TSGA13: variants seen among roughly 807,000 people sequenced by gnomAD.
TSGA13 encodes the protein testis-specific gene 13 protein.
A neutral mutation model predicts 35.1 loss-of-function variants in TSGA13; 37 were observed. That is an observed-to-expected ratio of 1.05 (90% CI 0.81 to 1.39). The LOEUF (loss-of-function observed/expected upper bound fraction) is 1.39. TSGA13 is among the 40% of genes most tolerant of loss of function. The pLI is 0.00. For synonymous variants in TSGA13, 124 were observed against 121.2 expected (o/e 1.02, Z -0.15); for missense variants, 338 against 328.5 (o/e 1.03, Z -0.22).
intron 2 of TSGA13, among the ~76,000 whole-genome samples, chr7:130,684,503 A>G (rs1328661204): frequency 6.6e-6 from 1 of 152,230 alleles, no homozygotes; most frequent in Admixed American, 6.5e-5. Context: ...AAGTAAGAAG[A>G]ATTATGCAAC....
chr7:130,680,923 G>T, intron 4 of TSGA13, 23 bp downstream of exon 4: 2 of 1,609,504 alleles, frequency 1.2e-6, no homozygotes, highest in Non-Finnish European at 1.7e-6. Context: ...TAGAGATCTT[G>T]GGGGAATGCT....
At chr7:130,676,235 C>T (rs1554464091) in intron 5 of TSGA13, among the ~76,000 whole-genome samples, 1 of 152,192 alleles carries the variant, frequency 6.6e-6, no homozygotes, top group Non-Finnish European at 1.5e-5. Flanking sequence ...ATTAAAGAGG[C>T]ATTGTAGATA....
chr7:130,671,752 C>T lies in TSGA13; in HGVS notation c.567G>A (p.Lys189=), dbSNP rs1433425489. 1 of 1,602,910 alleles carries T rather than the reference C, an allele frequency of 6.2e-7. No homozygotes were observed. Among genetic ancestry groups the T allele is most frequent in the East Asian group, 2.2e-5 (1 of 44,508 alleles). Residue 189 remains lysine (K), a synonymous_variant, in exon 7 of 8, where the codon AAG becomes AAA. Coordinates refer to ENST00000356588, the MANE Select transcript of TSGA13 (RefSeq NM_052933.4). ...TCCTCAAAGCGTAGACTTTTGAATACTTCCCTTCGCTCTTGAAATCATTGT... is the reference window on the plus strand; with the variant it reads ...TCCTCAAAGCGTAGACTTTTGAATATTTCCCTTCGCTCTTGAAATCATTGT... ...STDNDFKSEG[K]YSKVYALRTQ...
intron 3 of TSGA13, among the ~76,000 whole-genome samples, chr7:130,681,685 T>C: frequency 6.6e-6 from 1 of 152,182 alleles, no homozygotes; most frequent in Non-Finnish European, 1.5e-5. Context: ...TGGGTAGTCC[T>C]GGATGTTAGT....
chr7:130,683,539 C>A, intron 3 of TSGA13, 55 bp downstream of exon 3: 1 of 1,517,400 alleles, frequency 6.6e-7, no homozygotes, highest in Non-Finnish European at 9.0e-7. Flanking sequence ...TTATTAAGTA[C>A]ACTAAGCAGC....
At chr7:130,684,300 TACCCTC>T (rs1470194399) in intron 2 of TSGA13, among the ~76,000 whole-genome samples, 2 of 152,236 alleles carry the variant, frequency 1.3e-5, no homozygotes, top group Non-Finnish European at 2.9e-5. Context: ...TCTACTCTGT[TACCCTC>T]ACCCTAATAC....
Position 130,681,007 on chromosome 7 carries a change from G to A in TSGA13, c.113C>T (p.Ala38Val), listed in dbSNP as rs1554465008. ...MVVNSKEISD[A>V]VGQSKFVLEN... ...TAGAACAAATTTTGATTGCCCGACT[G>A]CATCAGAAATCTAAAGAGGATAATC... The change falls in exon 4 of 8, where the codon GCA becomes GTA. Residue 38 changes from alanine (A) to valine (V), a missense_variant. Coordinates refer to ENST00000356588, the MANE Select transcript of TSGA13 (RefSeq NM_052933.4). 6.2e-7 allele frequency: 1 copy of A among 1,614,152 alleles called. No individual in the cohort carries two copies. Among genetic ancestry groups the A allele is most frequent in the African/African-American group, 1.3e-5 (1 of 75,052 alleles).
intron 2 of TSGA13, among the ~76,000 whole-genome samples, chr7:130,684,271 AT>A (rs1796611462): frequency 6.6e-6 from 1 of 152,166 alleles, no homozygotes; most frequent in African/African-American, 2.4e-5. Context: ...ATAATCAACA[AT>A]GGCAAATATT....
chr7:130,679,601 C>T (rs1241333512), intron 4 of TSGA13, among the ~76,000 whole-genome samples: 3 of 152,128 alleles, frequency 2.0e-5, no homozygotes, highest in Non-Finnish European at 4.4e-5. Context: ...CCTAGACCTC[C>T]CGGGCTCAAG....
chr7:130,686,723 C>CACACAA (rs1435196403), upstream of TSGA13: 1 of 152,010 alleles, frequency 6.6e-6, no homozygotes, highest in Non-Finnish European at 1.5e-5. Flanking sequence ...CACACACACA[C>CACACAA]ACACACACAC....
At position 130,677,516 on chromosome 7, in the gene TSGA13, C is replaced by T. The variant is rs189616165; in HGVS notation, c.387+1639G>A. On this transcript the variant is annotated intron_variant, in intron 5 of 7. Transcript: ENST00000356588. ...CTTGGCTCACTGCAACCTCCACCTC[C>T]CAGGTTCAAGCGATTCTCCTCCCTC... Among the ~76,000 whole-genome samples, 986 of 152,156 alleles carry T rather than the reference C, an allele frequency of 6.5e-3. 14 individuals are homozygous for T. The highest frequency in any genetic ancestry group is 0.023 in the African/African-American group (935 of 41,500).
At position 130,668,718 on chromosome 7, in the gene TSGA13, G is replaced by T. The variant is rs1425498124; in HGVS notation, c.*296C>A. ...ACCCACCGCAACCGTCCCAGGCGCC[G>T]CAGCCGGCGAGCGGAAGAGGCTGCA... is the stretch of plus-strand genomic sequence containing the variant. On this transcript the variant is annotated 3_prime_UTR_variant, in exon 8 of 8. Transcript: ENST00000356588. The T allele has an allele frequency of 4.0e-6, 6 of 1,504,632 alleles. No individual in the cohort carries two copies. In the African/African-American group the frequency reaches 7.3e-5, roughly 18 times the overall value. The allele number at this position is 1,504,632 out of a possible 1,614,324, so 93.2% of individuals were successfully genotyped here.
intron 5 of TSGA13, 66 bp downstream of exon 5, chr7:130,679,089 C>G: frequency 7.7e-7 from 1 of 1,295,800 alleles, no homozygotes; most frequent in Admixed American, 1.8e-5. Flanking sequence ...AAGTTAACTT[C>G]CTTCTCAATG....
chr7:130,680,036 C>T (rs1040983291), intron 4 of TSGA13, among the ~76,000 whole-genome samples: 6 of 152,208 alleles, frequency 3.9e-5, no homozygotes, highest in African/African-American at 9.6e-5. Context: ...ACAACTCTCT[C>T]TAAGGTACGA....
At chr7:130,678,251 C>T (rs1338317996) in intron 5 of TSGA13, among the ~76,000 whole-genome samples, 2 of 152,088 alleles carry the variant, frequency 1.3e-5, no homozygotes. Flanking sequence ...TGGTGGTGGG[C>T]ACCTGTAGTC....
chr7:130,674,169 C>CTTTTTT (rs1162370815), intron 5 of TSGA13, among the ~76,000 whole-genome samples: 25 of 98,410 alleles, frequency 2.5e-4, no homozygotes, highest in East Asian at 3.6e-4. Context: ...TTCTTTTTTT[C>CTTTTTT]TTTTTTTTTT....
chr7:130,679,316 G>C lies in TSGA13; in HGVS notation c.226C>G (p.Gln76Glu). ...KATALQKFLAQNRKNTSFMLK... is the reference protein window; with the variant it reads ...KATALQKFLAENRKNTSFMLK... ...ATGAAGCTGGTGTTTTTCCTGTTTT[G>C]AGCCAGGAATTTCTGCAGGGCAGTG... is the stretch of plus-strand genomic sequence containing the variant. Residue 76 changes from glutamine to glutamate, a missense_variant, in exon 5 of 8, where the codon CAA (glutamine) becomes GAA (glutamate). Coordinates refer to ENST00000356588, the MANE Select transcript of TSGA13 (RefSeq NM_052933.4). 6.2e-7 allele frequency: 1 copy of C among 1,614,060 alleles called. No homozygotes were observed. Among genetic ancestry groups the C allele is most frequent in the Non-Finnish European group, 8.5e-7 (1 of 1,180,002 alleles).
chr7:130,678,886 G>A (rs1204601137), intron 5 of TSGA13, among the ~76,000 whole-genome samples: 1 of 152,116 alleles, frequency 6.6e-6, no homozygotes, highest in Non-Finnish European at 1.5e-5. Context: ...GTTTAGTCGG[G>A]CATGGTGATG....
intron 7 of TSGA13, 118 bp downstream of exon 7, chr7:130,671,543 A>C: frequency 8.4e-7 from 1 of 1,187,298 alleles, no homozygotes; most frequent in Non-Finnish European, 1.1e-6. Flanking sequence ...ATAGGGAAAA[A>C]TAGTCTCCAG....
Sources: allele counts gnomAD v4.1 joint callset (sites outside exome capture counted in the v4.1 genomes callset), GRCh38; gene constraint gnomAD v4.1.1; transcripts MANE v1.5; gene names NCBI Gene and HGNC (gene_info 2026-07-23, HGNC 2026-07-21).